MCC: variants seen among roughly 807,000 people sequenced by gnomAD.
MCC encodes the protein MCC regulator of Wnt signaling pathway, also known as colorectal mutant cancer protein.
Under a neutral mutation model 116.2 loss-of-function variants are expected in MCC, and 90 were observed. That is an observed-to-expected ratio of 0.77 (90% CI 0.65 to 0.92). MCC has a LOEUF of 0.92. MCC is among the 40% of genes least tolerant of loss of function. MCC has a pLI of 0.00. For missense variants in MCC, 1,516 were observed against 1,312.2 expected, an observed-to-expected ratio of 1.16 and a Z score of -2.40; for synonymous variants, 578 against 510.5, an observed-to-expected ratio of 1.13 and a Z score of -1.78.
At chr5:113,420,125 G>A (rs1292342367) in intron 1 of MCC, among the ~76,000 whole-genome samples, 2 of 131,082 alleles carry the variant, frequency 1.5e-5, no homozygotes, top group Non-Finnish European at 3.1e-5. Context: ...TTCATTCATT[G>A]TGCCAAAGTT....
At chr5:113,408,194 G>T (rs1301982254) in intron 1 of MCC, among the ~76,000 whole-genome samples, 1 of 152,148 alleles carries the variant, frequency 6.6e-6, no homozygotes, top group Non-Finnish European at 1.5e-5. Flanking sequence ...CAAAGTACAA[G>T]TTGTACCCCT....
chr5:113,092,888 G>A (rs986648065), intron 8 of MCC, among the ~76,000 whole-genome samples: 1 of 152,182 alleles, frequency 6.6e-6, no homozygotes, highest in Non-Finnish European at 1.5e-5. Context: ...GGCCGGAGGA[G>A]ACATGTGCAA....
intron 1 of MCC, among the ~76,000 whole-genome samples, chr5:113,452,851 C>A (rs959288370): frequency 6.6e-6 from 1 of 152,188 alleles, no homozygotes; most frequent in Admixed American, 6.5e-5. Flanking sequence ...GATGTTGGCA[C>A]CACTGCCAGT....
At chr5:113,039,142 T>C (rs1215323753) in intron 17 of MCC, among the ~76,000 whole-genome samples, 2 of 152,204 alleles carry the variant, frequency 1.3e-5, no homozygotes, top group African/African-American at 2.4e-5. Flanking sequence ...TGATGTATCA[T>C]GGTGAGGAGC....
chr5:113,309,977 T>C (rs1180115753), intron 3 of MCC, among the ~76,000 whole-genome samples: 1 of 143,978 alleles, frequency 6.9e-6, no homozygotes, highest in East Asian at 2.4e-4. Flanking sequence ...ATTATCAATA[T>C]TTTAGAATTT....
chr5:113,055,645 T>C (rs1479890023), intron 14 of MCC, among the ~76,000 whole-genome samples: 19 of 152,186 alleles, frequency 1.2e-4, no homozygotes. Context: ...CCCTTGGAGA[T>C]AAGGTAAGCT....
chr5:113,043,618 C>T lies in MCC; in HGVS notation c.2668G>A (p.Ala890Thr), dbSNP rs761271299. Reference sequence around the variant, plus strand: ...GCTAGGGACAGAGCTGGGGAGGCAGCATCAGCACACTCCTGACAACAGCAA... The same window carrying T: ...GCTAGGGACAGAGCTGGGGAGGCAGTATCAGCACACTCCTGACAACAGCAA... Reference protein sequence around the residue: ...KDKPGKECADAASPALSLAEL... With the variant: ...KDKPGKECADTASPALSLAEL... The change falls in exon 17 of 19, where the codon GCT becomes ACT. Residue 890 changes from alanine (A) to threonine (T), a missense_variant. Coordinates refer to ENST00000408903, the MANE Select transcript of MCC (RefSeq NM_001085377.2). 2 of 1,613,226 alleles carry T rather than the reference C, an allele frequency of 1.2e-6. No individual in the cohort carries two copies. Among genetic ancestry groups the T allele is most frequent in the African/African-American group, 1.3e-5 (1 of 75,040 alleles).
chr5:113,250,446 CCT>C (rs144480610), intron 3 of MCC, among the ~76,000 whole-genome samples: 21 of 152,310 alleles, frequency 1.4e-4, no homozygotes, highest in African/African-American at 4.1e-4. Context: ...GGGGTTAGAA[CCT>C]CTGTTTCTTG....
chr5:113,257,197 T>C (rs982111439), intron 3 of MCC, among the ~76,000 whole-genome samples: 2 of 152,162 alleles, frequency 1.3e-5, no homozygotes, highest in Non-Finnish European at 2.9e-5. Flanking sequence ...TTTTGGCATA[T>C]ACTCCAGGTA....
intron 1 of MCC, among the ~76,000 whole-genome samples, chr5:113,395,108 T>A (rs1171809736): frequency 6.6e-6 from 1 of 152,184 alleles, no homozygotes; most frequent in Non-Finnish European, 1.5e-5. Flanking sequence ...CTGTAACACC[T>A]GGTATACAGT....
intron 3 of MCC, among the ~76,000 whole-genome samples, chr5:113,213,264 C>T (rs990733565): frequency 4.6e-5 from 7 of 152,078 alleles, no homozygotes; most frequent in African/African-American, 1.2e-4. Flanking sequence ...TCAGAGGCCT[C>T]GAGGAACTAA....
intron 12 of MCC, among the ~76,000 whole-genome samples, chr5:113,069,885 G>A (rs1329830402): frequency 2.0e-5 from 3 of 152,098 alleles, no homozygotes; most frequent in Admixed American, 6.5e-5. Context: ...CGCGCCCAGC[G>A]TCAATTGACT....
In MCC at chr5:113,334,170, T is replaced by C. The variant is rs1016762692; in HGVS notation, c.627+6349A>G. Among the ~76,000 whole-genome samples, 13 of 148,194 alleles carry C rather than the reference T, an allele frequency of 8.8e-5. 1 individual carries two copies. Among genetic ancestry groups the C allele is most frequent in the Non-Finnish European group, 1.2e-4 (8 of 67,418 alleles). ...TATAGAAAGTGAAACTTCTGTTATG[T>C]TTTATGTTTTAGAATATTTATATAT... On this transcript the variant is annotated intron_variant, in intron 3 of 18. Coordinates refer to ENST00000408903, the MANE Select transcript of MCC (RefSeq NM_001085377.2).
chr5:113,023,405 T>C lies in MCC; in HGVS notation c.*3897A>G, dbSNP rs1750296838. The C allele has an allele frequency of 6.6e-6, 1 of 152,242 alleles. No homozygotes were observed. Among genetic ancestry groups the C allele is most frequent in the South Asian group, 2.1e-4 (1 of 4,832 alleles). 9.4% of individuals were successfully genotyped at this position (152,242 alleles called of 1,614,324 possible). ...TCCCACTGGATAAGAAAATTTGCTG[T>C]ATGTTTTCCTGAAAAATTTTATAGT... On this transcript the variant is annotated 3_prime_UTR_variant, in exon 19 of 19. Transcript: ENST00000408903.
rs1750379754 is a variant in MCC at position 113,024,375 on chromosome 5, T to G, written c.*2927A>C. On this transcript the variant is annotated 3_prime_UTR_variant, in exon 19 of 19. Transcript: ENST00000408903. The stretch of plus-strand genomic sequence containing the variant: ...TTTGTAGCTGGTAAGCTCACACTGA[T>G]GGCACTCGCAACTACGGACAGAAGT... 1 of 152,242 alleles carries G rather than the reference T, an allele frequency of 6.6e-6. No individual in the cohort carries two copies. Among genetic ancestry groups the G allele is most frequent in the African/African-American group, 2.4e-5 (1 of 41,458 alleles). 9.4% of individuals were successfully genotyped at this position (152,242 alleles called of 1,614,324 possible).
At chr5:113,295,285 A>T (rs1766676466) in intron 3 of MCC, among the ~76,000 whole-genome samples, 1 of 152,172 alleles carries the variant, frequency 6.6e-6, no homozygotes, top group African/African-American at 2.4e-5. Context: ...AGCACGGTGC[A>T]CTTCTCACGG....
intron 4 of MCC, among the ~76,000 whole-genome samples, chr5:113,147,469 T>G (rs1434516457): frequency 6.6e-6 from 1 of 152,196 alleles, no homozygotes; most frequent in Non-Finnish European, 1.5e-5. Context: ...GTGTCAGCTG[T>G]CAAACCTAAG....
chr5:113,043,711 TGGCTCGTGCAGTGATGGCAGCAGTGTG>T, intron 16 of MCC, 81 bp from the exon 17 acceptor site: 1 of 993,570 alleles, frequency 1.0e-6, no homozygotes, highest in Non-Finnish European at 1.6e-6. Flanking sequence ...GCGCGGTAGG[TGGCTCGTGCAGTGATGGCAGCAGTGTG>T]GGCACCGGGT....
At chr5:113,171,801 C>T (rs902374392) in intron 3 of MCC, among the ~76,000 whole-genome samples, 4 of 152,086 alleles carry the variant, frequency 2.6e-5, no homozygotes, top group African/African-American at 9.7e-5. Flanking sequence ...TTTCTAGCTA[C>T]GAAGAGCTTC....
Sources: gnomAD v4.1 joint callset for allele counts (sites outside exome capture counted in the v4.1 genomes callset) on GRCh38, gnomAD v4.1.1 for gene constraint, MANE v1.5 for transcripts, NCBI Gene and HGNC (gene_info 2026-07-23, HGNC 2026-07-21) for gene names.